The following BTAF1 variants were observed in gnomAD, a reference collection of about 807,000 sequenced individuals.
BTAF1 encodes TATA-binding protein-associated factor 172.
A neutral mutation model predicts 227.1 loss-of-function variants in BTAF1; 38 were observed. That is an observed-to-expected ratio of 0.17 (90% CI 0.13 to 0.22). The LOEUF is 0.22. BTAF1 is among the 10% of genes least tolerant of loss of function. BTAF1 has a pLI of 1.00. For missense variants in BTAF1, 1,598 were observed against 2,204.0 expected, an observed-to-expected ratio of 0.73 and a Z score of 5.51; for synonymous variants, 742 against 751.9, an observed-to-expected ratio of 0.99 and a Z score of 0.21.
chr10:91,968,682 T>G (rs755095919), intron 14 of BTAF1, among the ~76,000 whole-genome samples: 1 of 152,230 alleles, frequency 6.6e-6, no homozygotes, highest in South Asian at 2.1e-4. Flanking sequence ...TTCCTATTGC[T>G]TTACATTCTG....
Position 92,031,106 on chromosome 10 carries a change from T to C in BTAF1, c.*2173T>C, listed in dbSNP as rs556376217. On this transcript the variant is annotated 3_prime_UTR_variant, in exon 38 of 38. Transcript: ENST00000265990. ...TGGGAATTGGGTTCATAGATATCCA[T>C]TGTACTACTTCCCTTGGTTTTTGTG... Among the ~76,000 whole-genome samples, 1 of 152,340 alleles carries C rather than the reference T, an allele frequency of 6.6e-6. No homozygotes were observed. Among genetic ancestry groups the C allele is most frequent in the Non-Finnish European group, 1.5e-5 (1 of 68,018 alleles).
At position 91,962,571 on chromosome 10, in the gene BTAF1, A is replaced by T; in HGVS notation, c.1297A>T (p.Thr433Ser). 1 of 1,588,560 alleles carries T rather than the reference A, an allele frequency of 6.3e-7. No homozygotes were observed. Among genetic ancestry groups the T allele is most frequent in the Non-Finnish European group, 8.6e-7 (1 of 1,159,724 alleles). ...TAATACTTTATTGCCTAAAGTTTTA[A>T]CTAGAATAATTGAAGGACTCCAGGA... ...VINTLLPKVL[T>S]RIIEGLQDLD... The change falls in exon 12 of 38, where the codon ACT becomes TCT. Residue 433 changes from threonine to serine, a missense_variant. Thr to Ser is a moderately conservative substitution (Grantham distance 58, BLOSUM62 1). Coordinates refer to ENST00000265990, the MANE Select transcript of BTAF1 (RefSeq NM_003972.3).
chr10:92,027,062 C>A, intron 36 of BTAF1, 68 bp from the exon 37 acceptor site: 1 of 1,473,936 alleles, frequency 6.8e-7, no homozygotes. Flanking sequence ...AGTCTACAAG[C>A]CCTCTGACTC....
chr10:91,974,530 T>C (rs1308915948), intron 14 of BTAF1, among the ~76,000 whole-genome samples: 1 of 152,128 alleles, frequency 6.6e-6, no homozygotes, highest in East Asian at 1.9e-4. Context: ...AAGCTTGGCA[T>C]CTTGAGGAGC....
Position 91,940,032 on chromosome 10 carries a change from A to G in BTAF1, c.219A>G (p.Val73=), listed in dbSNP as rs1236326589. 6.2e-7 allele frequency: 1 copy of G among 1,612,638 alleles called. No individual in the cohort carries two copies. Among genetic ancestry groups the G allele is most frequent in the African/African-American group, 1.3e-5 (1 of 74,918 alleles). Residue 73 remains valine, a synonymous_variant, in exon 3 of 38, where the codon GTA becomes GTG. Transcript: ENST00000265990. ...GQAVEAIVKN[V]PEWNPVPRTR... The stretch of plus-strand genomic sequence containing the variant: ...CTGTTGAAGCTATAGTGAAAAATGT[A>G]CCTGAGTGGAATCCAGTGCCGAGAA...
chr10:91,935,374 C>G (rs1844539252), intron 1 of BTAF1, among the ~76,000 whole-genome samples: 2 of 152,122 alleles, frequency 1.3e-5, no homozygotes, highest in Admixed American at 6.6e-5. Context: ...GGTTAACCAG[C>G]CTCCCCCATC....
At chr10:91,990,562 A>G (rs1038209068) in intron 20 of BTAF1, among the ~76,000 whole-genome samples, 4 of 152,182 alleles carry the variant, frequency 2.6e-5, no homozygotes, top group African/African-American at 9.7e-5. Context: ...TGGGAGGCCG[A>G]GGCAGGCGGA....
At chr10:91,932,641 C>CA (rs1253922338) in intron 1 of BTAF1, among the ~76,000 whole-genome samples, 14 of 151,726 alleles carry the variant, frequency 9.2e-5, no homozygotes, top group Non-Finnish European at 1.8e-4. Context: ...AGAGATGCCA[C>CA]AAAAAAATAT....
chr10:91,951,673 A>G, intron 5 of BTAF1, 107 bp downstream of exon 5: 2 of 1,193,164 alleles, frequency 1.7e-6, no homozygotes, highest in Non-Finnish European at 2.3e-6. Context: ...AGCTCTGTTC[A>G]TTGCTGCTTA....
At chr10:91,999,429 G>C (rs1258345390) in intron 25 of BTAF1, among the ~76,000 whole-genome samples, 1 of 151,228 alleles carries the variant, frequency 6.6e-6, no homozygotes, top group Non-Finnish European at 1.5e-5. Flanking sequence ...TTTTGCTCTT[G>C]TTGCAACCAG....
chr10:91,982,193 T>G lies in BTAF1; in HGVS notation c.2016T>G (p.Phe672Leu). The G allele has an allele frequency of 1.2e-6, 2 of 1,613,962 alleles. No homozygotes were observed. The highest frequency in any genetic ancestry group is 1.7e-4 in the Middle Eastern group (1 of 6,060). ...TGGAAGACCCAGCCACCAGGGATTT[T>G]GTAGTTATGCGGGCCAGAATGATGG... ...TIMEDPATRDFVVMRARMMAA... is the reference protein window; with the variant it reads ...TIMEDPATRDLVVMRARMMAA... Residue 672 changes from phenylalanine to leucine, a missense_variant, in exon 17 of 38, where the codon TTT becomes TTG. Around this residue, in one of 10 missense-constraint regions of BTAF1, gnomAD observed 318 missense variants for 435.0 expected, o/e 0.73. Coordinates refer to ENST00000265990, the MANE Select transcript of BTAF1 (RefSeq NM_003972.3).
chr10:91,971,629 G>A lies in BTAF1; in HGVS notation c.1650+4872G>A, dbSNP rs185257649. Reference sequence around the variant, plus strand: ...TGGGATTACAGGCATGCGCCACCACGCCTGACTAATTTTTGTATTTTTAGT... The same window carrying A: ...TGGGATTACAGGCATGCGCCACCACACCTGACTAATTTTTGTATTTTTAGT... On this transcript the variant is annotated intron_variant, in intron 14 of 37. Transcript: ENST00000265990. Among the ~76,000 whole-genome samples the A allele has an allele frequency of 4.6e-5, 7 of 151,876 alleles. No individual in the cohort carries two copies. In the East Asian group the frequency reaches 5.8e-4, roughly 13 times the overall value.
intron 21 of BTAF1, among the ~76,000 whole-genome samples, chr10:91,992,768 A>C (rs1848885581): frequency 6.6e-6 from 1 of 152,216 alleles, no homozygotes; most frequent in African/African-American, 2.4e-5. Context: ...TCTGATTTAT[A>C]ATGGCACCTC....
At position 91,942,575 on chromosome 10, in the gene BTAF1, A is replaced by G; in HGVS notation, c.400+7A>G. ...GTCCAAGATGAAAAATCAGGTCTGTAGTGGTTCTGAGAAGAAAGTCTAAAA... is the reference window on the plus strand; with the variant it reads ...GTCCAAGATGAAAAATCAGGTCTGTGGTGGTTCTGAGAAGAAAGTCTAAAA... On this transcript the variant is annotated splice_region_variant and intron_variant, in intron 4 of 37. Transcript: ENST00000265990. 2 of 1,613,614 alleles carry G rather than the reference A, an allele frequency of 1.2e-6. No individual in the cohort carries two copies. The highest frequency in any genetic ancestry group is 2.2e-5 in the East Asian group (1 of 44,858).
intron 2 of BTAF1, among the ~76,000 whole-genome samples, chr10:91,938,215 A>G (rs1456796267): frequency 2.0e-5 from 3 of 152,208 alleles, no homozygotes; most frequent in Non-Finnish European, 4.4e-5. Flanking sequence ...TATCCAAACT[A>G]TACAAAGGTA....
intron 13 of BTAF1, among the ~76,000 whole-genome samples, chr10:91,965,305 T>TG (rs1324784080): frequency 6.6e-6 from 1 of 152,192 alleles, no homozygotes; most frequent in African/African-American, 2.4e-5. Flanking sequence ...AATCAAGGAT[T>TG]GGTAATCTTT....
At chr10:91,927,772 T>C (rs948558382) in intron 1 of BTAF1, among the ~76,000 whole-genome samples, 1 of 152,184 alleles carries the variant, frequency 6.6e-6, no homozygotes, top group East Asian at 1.9e-4. Flanking sequence ...CTGTAACATA[T>C]ACTAATTTGT....
At chr10:91,975,801 AT>A (rs766147145) in intron 14 of BTAF1, among the ~76,000 whole-genome samples, 2 of 152,352 alleles carry the variant, frequency 1.3e-5, no homozygotes, top group Non-Finnish European at 2.9e-5. Context: ...ACAAGATCTT[AT>A]CCCACCTGAG....
chr10:91,949,491 T>TA (rs2133849287), intron 4 of BTAF1, among the ~76,000 whole-genome samples: 1 of 152,376 alleles, frequency 6.6e-6, no homozygotes, highest in Admixed American at 6.5e-5. Flanking sequence ...TAGATTCTGT[T>TA]ACATTCTTCC....
Sources: gnomAD v4.1 joint callset for allele counts (sites outside exome capture counted in the v4.1 genomes callset) on GRCh38, gnomAD v4.1.1 for gene constraint, gnomAD v4.1.1 regional missense constraint, MANE v1.5 for transcripts, NCBI Gene and HGNC (gene_info 2026-07-23, HGNC 2026-07-21) for gene names.